OR3A2: variants seen among roughly 807,000 people sequenced by gnomAD.
OR3A2 encodes the protein olfactory receptor 3A2.
For missense variants in OR3A2, 318 were observed against 392.8 expected (o/e 0.81, Z 1.61); for synonymous variants, 126 against 159.3 (o/e 0.79, Z 1.57).
chr17:3,384,454 C>T (rs2049762800), intron 1 of OR3A2, among the ~76,000 whole-genome samples: 1 of 152,182 alleles, frequency 6.6e-6, no homozygotes, highest in Non-Finnish European at 1.5e-5. Flanking sequence ...TTCATGCAGT[C>T]TGCAATGCCC....
intron 3 of OR3A2, chr17:3,310,066 ATC>A (rs1253284054): frequency 3.6e-5 from 9 of 249,686 alleles, no homozygotes; most frequent in African/African-American, 2.0e-4. Flanking sequence ...CAATTCATGG[ATC>A]TCTGTTTGAG....
intron 3 of OR3A2, chr17:3,291,811 C>A: frequency 6.2e-7 from 1 of 1,613,828 alleles, no homozygotes; most frequent in Non-Finnish European, 8.5e-7. Context: ...TTAAAGATAC[C>A]TGAACCATAG....
intron 3 of OR3A2, among the ~76,000 whole-genome samples, chr17:3,319,453 G>A (rs567868895): frequency 5.1e-4 from 78 of 151,776 alleles, no homozygotes; most frequent in Non-Finnish European, 7.2e-4. Context: ...GTATACATGC[G>A]CCATGTTGGT....
chr17:3,344,978 C>T (rs1328463983), intron 2 of OR3A2, among the ~76,000 whole-genome samples: 3 of 152,160 alleles, frequency 2.0e-5, no homozygotes, highest in Non-Finnish European at 4.4e-5. Flanking sequence ...CTTAGAACTG[C>T]TTTTCTCTGT....
At chr17:3,367,810 T>C (rs1183835332) in intron 2 of OR3A2, among the ~76,000 whole-genome samples, 1 of 152,054 alleles carries the variant, frequency 6.6e-6, no homozygotes, top group Non-Finnish European at 1.5e-5. Context: ...TTTAGCTCTT[T>C]AAGGAATCTC....
intron 3 of OR3A2, among the ~76,000 whole-genome samples, chr17:3,320,137 A>T (rs1417866109): frequency 6.6e-6 from 1 of 152,022 alleles, no homozygotes; most frequent in Non-Finnish European, 1.5e-5. Context: ...AGTGATGATG[A>T]GCATTTTTTC....
At chr17:3,358,890 C>T (rs2049485453) in intron 2 of OR3A2, among the ~76,000 whole-genome samples, 1 of 151,606 alleles carries the variant, frequency 6.6e-6, no homozygotes, top group Non-Finnish European at 1.5e-5. Context: ...GTTGAAGAGT[C>T]CCCTTATTAT....
At chr17:3,329,180 G>A (rs572991043) in intron 3 of OR3A2, among the ~76,000 whole-genome samples, 2,625 of 151,840 alleles carry the variant, frequency 0.017, 91 homozygotes, top group African/African-American at 0.06. Context: ...CTCTTTTTTG[G>A]TTGTGACTCT....
rs886847313 is a variant in OR3A2 at position 3,352,684 on chromosome 17, T to C, written c.-178-16558A>G. Among the ~76,000 whole-genome samples, 3 of 152,172 alleles carry C rather than the reference T, an allele frequency of 2.0e-5. No homozygotes were observed. The South Asian group carries it at 6.2e-4, about 32-fold the overall frequency. On this transcript the variant is annotated intron_variant, in intron 2 of 4. Coordinates refer to the OR3A2 transcript ENST00000573491. ...TATAATTTGAAGTAAGGTAACATAA[T>C]TCTTCCAGTTTTGTTCTTTTTGCTT...
At chr17:3,309,299 T>G (rs1023819056) in intron 3 of OR3A2, among the ~76,000 whole-genome samples, 1 of 152,188 alleles carries the variant, frequency 6.6e-6, no homozygotes, top group Non-Finnish European at 1.5e-5. Flanking sequence ...TAAAAGACTT[T>G]GGCCCTATCT....
intron 3 of OR3A2, among the ~76,000 whole-genome samples, chr17:3,321,572 G>A (rs2049122500): frequency 6.6e-6 from 1 of 152,126 alleles, no homozygotes; most frequent in South Asian, 2.1e-4. Context: ...CTAATTTATT[G>A]AGAGTTTTTA....
At chr17:3,381,758 T>C (rs553508979) in intron 2 of OR3A2, among the ~76,000 whole-genome samples, 6 of 152,284 alleles carry the variant, frequency 3.9e-5, no homozygotes, top group South Asian at 4.1e-4. Flanking sequence ...CCTACTCCTA[T>C]GTGTCCACTG....
At chr17:3,307,397 T>A (rs1194550252) in intron 3 of OR3A2, among the ~76,000 whole-genome samples, 1 of 152,222 alleles carries the variant, frequency 6.6e-6, no homozygotes, top group Non-Finnish European at 1.5e-5. Context: ...TGACAACTCC[T>A]CCTTGGCCCA....
At chr17:3,279,027 C>G in intron 1 of OR3A2, 49 bp downstream of exon 4, 2 of 1,531,636 alleles carry the variant, frequency 1.3e-6, no homozygotes, top group Non-Finnish European at 1.8e-6. Context: ...GGCGAGTCCC[C>G]AGGCCATCCC....
At chr17:3,295,883 T>C (rs12946349) in intron 3 of OR3A2, among the ~76,000 whole-genome samples, 2,676 of 152,276 alleles carry the variant, frequency 0.018, 34 homozygotes, top group Middle Eastern at 0.075. Flanking sequence ...ACGAATGTCC[T>C]AAGTATATAG....
intron 2 of OR3A2, among the ~76,000 whole-genome samples, chr17:3,370,988 C>T (rs924162674): frequency 1.3e-5 from 2 of 152,188 alleles, no homozygotes; most frequent in African/African-American, 2.4e-5. Flanking sequence ...TAGTACAGAG[C>T]AAAATGAAAA....
At chr17:3,341,552 G>A (rs933453895) in intron 2 of OR3A2, among the ~76,000 whole-genome samples, 1 of 152,138 alleles carries the variant, frequency 6.6e-6, no homozygotes, top group African/African-American at 2.4e-5. Flanking sequence ...TGAAATTCTG[G>A]GTTGAAAATT....
At chr17:3,319,324 T>C (rs2049100929) in intron 3 of OR3A2, among the ~76,000 whole-genome samples, 1 of 152,090 alleles carries the variant, frequency 6.6e-6, no homozygotes, top group South Asian at 2.1e-4. Flanking sequence ...TATATCTCTC[T>C]TGCTGCTGCT....
intron 2 of OR3A2, among the ~76,000 whole-genome samples, chr17:3,376,505 A>C (rs996868223): frequency 6.6e-6 from 1 of 151,952 alleles, no homozygotes; most frequent in Admixed American, 6.5e-5. Flanking sequence ...AGACCACTGG[A>C]GTTATGTTCC....
Sources: allele counts gnomAD v4.1 joint callset (sites outside exome capture counted in the v4.1 genomes callset), GRCh38; gene constraint gnomAD v4.1.1; transcripts MANE v1.5; gene names NCBI Gene and HGNC (gene_info 2026-07-23, HGNC 2026-07-21).